Variants in DRC11 observed in about 807,000 individuals in gnomAD.
DRC11 encodes dynein regulatory complex subunit 11.
the DRC11 span, among the ~76,000 whole-genome samples, chr2:236,345,667 C>T: frequency 6.6e-6 from 1 of 152,188 alleles, no homozygotes; most frequent in Admixed American, 6.5e-5. Flanking sequence ...TGGGATGGGA[C>T]TTACCCTGGG....
the DRC11 span, among the ~76,000 whole-genome samples, chr2:236,477,178 C>G: frequency 6.6e-6 from 1 of 152,028 alleles, no homozygotes; most frequent in East Asian, 1.9e-4. Flanking sequence ...GTGACACACA[C>G]AGTAAAAAAA....
chr2:236,464,780 A>C, the DRC11 span, among the ~76,000 whole-genome samples: 2 of 151,714 alleles, frequency 1.3e-5, no homozygotes, highest in Non-Finnish European at 2.9e-5. Context: ...TGCTATAGTG[A>C]GTGAGTTCTT....
the DRC11 span, chr2:236,497,598 A>G: frequency 1.4e-6 from 1 of 724,930 alleles, no homozygotes; most frequent in Non-Finnish European, 2.2e-6. The surrounding 1 kb of genome is among the most constrained non-coding windows in gnomAD (Gnocchi z 5.1). Flanking sequence ...AGTGTGAGCT[A>G]AGAATATAGT....
the DRC11 span, among the ~76,000 whole-genome samples, chr2:236,424,665 AAC>A: frequency 6.7e-6 from 1 of 150,356 alleles, no homozygotes; most frequent in South Asian, 2.1e-4. Flanking sequence ...GTGTGATGAG[AAC>A]ATTTACAATC....
the DRC11 span, chr2:236,344,446 T>G: frequency 1.4e-6 from 1 of 698,954 alleles, no homozygotes; most frequent in South Asian, 1.8e-5. Context: ...CCCCAGTGTT[T>G]CCTTCCTCGC....
the DRC11 span, among the ~76,000 whole-genome samples, chr2:236,459,665 G>T: frequency 2.9e-4 from 40 of 139,030 alleles, 2 homozygotes; most frequent in Non-Finnish European, 2.1e-4. Context: ...ATATACATAC[G>T]TATATACGTA....
the DRC11 span, among the ~76,000 whole-genome samples, chr2:236,320,024 C>T: frequency 2.3e-4 from 35 of 152,206 alleles, no homozygotes; most frequent in Admixed American, 2.0e-4. Context: ...GCACTGTGCA[C>T]GGCACACAGA....
chr2:236,321,459 ATG>A, the DRC11 span, among the ~76,000 whole-genome samples: 2 of 152,034 alleles, frequency 1.3e-5, no homozygotes, highest in African/African-American at 4.8e-5. Flanking sequence ...GAATATGAGT[ATG>A]TGTGTGAGTA....
the DRC11 span, among the ~76,000 whole-genome samples, chr2:236,459,536 TATACGTATACGTATACATGTATAC>T: frequency 5.5e-3 from 669 of 121,868 alleles, 6 homozygotes; most frequent in African/African-American, 0.02. Flanking sequence ...CATGTATACG[TATACGTATACGTATACATGTATAC>T]GTATATATGT....
At chr2:236,438,879 C>T in the DRC11 span, among the ~76,000 whole-genome samples, 2 of 151,678 alleles carry the variant, frequency 1.3e-5, no homozygotes, top group Non-Finnish European at 2.9e-5. Context: ...TCTCAGACCA[C>T]AGTGCAATCA....
chr2:236,500,939 C>A, the DRC11 span, among the ~76,000 whole-genome samples: 5 of 152,292 alleles, frequency 3.3e-5, 1 homozygote, highest in South Asian at 1.0e-3. The surrounding 1 kb of genome is among the most constrained non-coding windows in gnomAD (Gnocchi z 6.3). Flanking sequence ...CTCAAGTGAT[C>A]TGCCCACCTC....
chr2:236,449,059 C>T, the DRC11 span, among the ~76,000 whole-genome samples: 1 of 151,928 alleles, frequency 6.6e-6, no homozygotes, highest in African/African-American at 2.4e-5. The surrounding 1 kb of genome is among the most constrained non-coding windows in gnomAD (Gnocchi z 5.1). Context: ...GGGGTTTCAC[C>T]ATGTTGGCCA....
the DRC11 span, chr2:236,380,477 C>T: frequency 2.0e-5 from 19 of 927,056 alleles, no homozygotes; most frequent in African/African-American, 2.5e-4. The surrounding 1 kb of genome is among the most constrained non-coding windows in gnomAD (Gnocchi z 4.9). Context: ...ATGAAGAGGG[C>T]GTGGCATCAC....
the DRC11 span, among the ~76,000 whole-genome samples, chr2:236,454,472 A>C: frequency 6.6e-6 from 1 of 152,224 alleles, no homozygotes; most frequent in Non-Finnish European, 1.5e-5. This position sits in a 1 kb window ranked among gnomAD's most constrained non-coding sequence, Gnocchi z 5.3. Context: ...AGTAACCTAC[A>C]CATGGTTCAC....
At chr2:236,318,404 T>G in the DRC11 span, among the ~76,000 whole-genome samples, 1 of 151,942 alleles carries the variant, frequency 6.6e-6, no homozygotes, top group African/African-American at 2.4e-5. This position sits in a 1 kb window ranked among gnomAD's most constrained non-coding sequence, Gnocchi z 7.0. Flanking sequence ...GCTGTGGGAC[T>G]GCACGCATGC....
chr2:236,357,293 TTATATATTCATATAGATCTATATATTA>T, the DRC11 span, among the ~76,000 whole-genome samples: 1 of 119,240 alleles, frequency 8.4e-6, no homozygotes, highest in Non-Finnish European at 1.6e-5. Flanking sequence ...TATTTATATA[TTATATATTCATATAGATCTATATATTA>T]TATATATTCA....
chr2:236,360,888 GT>G, the DRC11 span, among the ~76,000 whole-genome samples: 17 of 152,194 alleles, frequency 1.1e-4, no homozygotes, highest in African/African-American at 4.1e-4. The surrounding 1 kb of genome is among the most constrained non-coding windows in gnomAD (Gnocchi z 5.8). Flanking sequence ...GTCTCTGCAA[GT>G]TCAAGCTGAT....
chr2:236,412,679 T>A, the DRC11 span: 1 of 152,326 alleles, frequency 6.6e-6, no homozygotes, highest in African/African-American at 2.4e-5. Context: ...AGGCAAGTCA[T>A]CCTTTGTGGT....
At chr2:236,340,959 G>T in the DRC11 span, among the ~76,000 whole-genome samples, 1 of 152,064 alleles carries the variant, frequency 6.6e-6, no homozygotes. Flanking sequence ...CGTCTGTTAT[G>T]CACGAGACCT....
Sources: allele counts gnomAD v4.1 joint callset (sites outside exome capture counted in the v4.1 genomes callset), GRCh38; gene constraint gnomAD v4.1.1; non-coding constraint Gnocchi (gnomAD v3.1); transcripts MANE v1.5; gene names NCBI Gene and HGNC (gene_info 2026-07-23, HGNC 2026-07-21).